The following KISS1R variants were observed in gnomAD, a reference collection of about 807,000 sequenced individuals.
The protein encoded by KISS1R is kiSS-1 receptor.
A neutral mutation model predicts 22.0 loss-of-function variants in KISS1R; 19 were observed. The observed-to-expected ratio is 0.86, with a 90% CI of 0.60 to 1.26. KISS1R has a LOEUF of 1.26. Ranked by LOEUF, KISS1R falls within the 50% of genes most tolerant of loss-of-function variation. The probability of loss-of-function intolerance (pLI) is 0.00; values close to 1 mark genes in which losing one functional copy is unlikely to be tolerated. For synonymous variants in KISS1R, 302 were observed against 283.9 expected (o/e 1.06, Z -0.64); for missense variants, 653 against 581.9 (o/e 1.12, Z -1.26).
chr19:919,730 A>C lies in KISS1R; in HGVS notation c.505+105A>C, dbSNP rs1345056370. On this transcript the variant is annotated intron_variant, in intron 3 of 4. Coordinates refer to ENST00000234371, the MANE Select transcript of KISS1R (RefSeq NM_032551.5). ...GGTCCAGCATCTGGAAAATGGGCGCAATAGCTCTGCCTGCCTAGGGCCAGC... is the reference window on the plus strand; with the variant it reads ...GGTCCAGCATCTGGAAAATGGGCGCCATAGCTCTGCCTGCCTAGGGCCAGC... The C allele has an allele frequency of 4.0e-6, 6 of 1,515,628 alleles. No homozygotes were observed. The East Asian group carries it at 1.2e-4, about 31-fold the overall frequency. 93.9% of individuals were successfully genotyped at this position (1,515,628 alleles called of 1,614,324 possible).
At position 917,436 on chromosome 19, in the gene KISS1R, G is replaced by C. The variant is rs1599369236; in HGVS notation, c.-67G>C. 1.5e-6 allele frequency: 2 copies of C among 1,376,694 alleles called. No individual in the cohort carries two copies. The highest frequency in any genetic ancestry group is 1.9e-6 in the Non-Finnish European group (2 of 1,073,210). 85.3% of individuals were successfully genotyped at this position (1,376,694 alleles called of 1,614,324 possible). On this transcript the variant is annotated 5_prime_UTR_variant, in exon 1 of 5. Transcript: ENST00000234371. ...CGCAGCCCCCGGGCGGTCGGGCGGA[G>C]GGGTCCCCGGGGCGGTGCCAGGGCG... is the stretch of plus-strand genomic sequence containing the variant.
chr19:920,457 C>CCT lies in KISS1R; in HGVS notation c.906_907insCT (p.Ala303LeufsTer17), dbSNP rs2037109406. 1.2e-6 allele frequency: 2 copies of CCT among 1,610,842 alleles called. No individual in the cohort carries two copies. Among genetic ancestry groups the CCT allele is most frequent in the Non-Finnish European group, 8.5e-7 (1 of 1,179,178 alleles). On this transcript the variant is annotated frameshift_variant, in exon 5 of 5. Coordinates refer to ENST00000234371, the MANE Select transcript of KISS1R (RefSeq NM_032551.5). LOFTEE classifies it low-confidence loss of function (END_TRUNC). ...GGCACCCACGCAGCTACGCCGCCTA[C>CCT]GCGCTTAAGACCTGGGCTCACTGCA...
chr19:919,845 C>T (rs1317356831), intron 3 of KISS1R, 29 bp from the exon 4 acceptor site: 1 of 1,531,432 alleles, frequency 6.5e-7, no homozygotes, highest in Non-Finnish European at 8.8e-7. Context: ...GTTCCCCGAG[C>T]GGGGTCTTCA....
chr19:917,396 C>A lies in KISS1R; in HGVS notation c.-107C>A. On this transcript the variant is annotated 5_prime_UTR_variant, in exon 1 of 5. Coordinates refer to ENST00000234371, the MANE Select transcript of KISS1R (RefSeq NM_032551.5). Reference sequence around the variant, plus strand: ...CCTGCGGACCCCAGCCGAGCCCCTTCCTGAGTTCCACAGGCGCAGCCCCCG... The same window carrying A: ...CCTGCGGACCCCAGCCGAGCCCCTTACTGAGTTCCACAGGCGCAGCCCCCG... 7.7e-7 allele frequency: 1 copy of A among 1,293,630 alleles called. No homozygotes were observed. Among genetic ancestry groups the A allele is most frequent in the Non-Finnish European group, 1.0e-6 (1 of 1,002,526 alleles). 80.1% of individuals were successfully genotyped at this position (1,293,630 alleles called of 1,614,324 possible). A position where few individuals can be genotyped will look rare whatever the true frequency, so the allele number is the denominator to read the frequency against.
Position 920,019 on chromosome 19 carries a change from G to A in KISS1R, c.651G>A (p.Leu217=), listed in dbSNP as rs1200564820. 2 of 1,543,688 alleles carry A rather than the reference G, an allele frequency of 1.3e-6. No individual in the cohort carries two copies. The highest frequency in any genetic ancestry group is 1.7e-6 in the Non-Finnish European group (2 of 1,147,568). Residue 217 remains leucine, a synonymous_variant, in exon 4 of 5, where the codon CTG becomes CTA. Coordinates refer to ENST00000234371, the MANE Select transcript of KISS1R (RefSeq NM_032551.5). ...YNLLALYLLP[L]LATCACYAAM... The stretch of plus-strand genomic sequence containing the variant: ...TGCTGGCGCTGTACCTGCTGCCGCT[G>A]CTCGCCACCTGCGCCTGCTATGCGG...
Position 919,933 on chromosome 19 carries a change from G to A in KISS1R, c.565G>A (p.Ala189Thr), listed in dbSNP as rs73507527. 6,235 of 1,564,126 alleles carry A rather than the reference G, an allele frequency of 4.0e-3. 151 individuals are homozygous for A. In the African/African-American group the frequency reaches 0.061, roughly 15 times the overall value. ...ALHRLSPGPR[A>T]YCSEAFPSRA... is the part of the protein sequence containing the mutation. ...GCACCGCCTGTCACCCGGGCCGCGCGCCTACTGCAGTGAGGCCTTCCCCAG... is the reference window on the plus strand; with the variant it reads ...GCACCGCCTGTCACCCGGGCCGCGCACCTACTGCAGTGAGGCCTTCCCCAG... The change falls in exon 4 of 5, where the codon GCC becomes ACC. Residue 189 changes from alanine to threonine, a missense_variant. Transcript: ENST00000234371.
intron 3 of KISS1R, 77 bp downstream of exon 3, chr19:919,702 C>T: frequency 1.3e-6 from 2 of 1,530,660 alleles, no homozygotes; most frequent in Non-Finnish European, 1.8e-6. Flanking sequence ...CACCTGCCGC[C>T]TCGGTCCAGC....
In KISS1R at chr19:919,832, C is replaced by G. The variant is rs751880212; in HGVS notation, c.506-42C>G. On this transcript the variant is annotated intron_variant, in intron 3 of 4. Transcript: ENST00000234371. The stretch of plus-strand genomic sequence containing the variant: ...TCCCGGGGAGGCACGTGGGGGACCG[C>G]TGGTTCCCCGAGCGGGGTCTTCATC... The G allele has an allele frequency of 4.6e-6, 7 of 1,523,294 alleles. No individual in the cohort carries two copies. The highest frequency in any genetic ancestry group is 6.2e-6 in the Non-Finnish European group (7 of 1,135,190). The allele number at this position is 1,523,294 out of a possible 1,614,324, so 94.4% of individuals were successfully genotyped here.
rs1300744737 is a variant in KISS1R, at chr19:918,813, A to AG, written c.369+152dup. 2.1e-3 allele frequency: 67 copies of AG among 31,666 alleles called. No individual in the cohort carries two copies. In the African/African-American group the frequency reaches 0.025, roughly 12 times the overall value. The allele number at this position is 31,666 out of a possible 1,614,324, so 2.0% of individuals were successfully genotyped here. On this transcript the variant is annotated intron_variant, in intron 2 of 4. Transcript: ENST00000234371. ...GAGGGGATCGTACGTGGGGACGGGG[A>AG]GGGGGGGTGCGCTGCGGAGCAGGAG...
In KISS1R at chr19:920,662, G is replaced by GC; in HGVS notation, c.1116dup (p.Ala373ArgfsTer70). 1 of 1,313,388 alleles carries GC rather than the reference G, an allele frequency of 7.6e-7. No individual in the cohort carries two copies. The allele number at this position is 1,313,388 out of a possible 1,614,324, so 81.4% of individuals were successfully genotyped here. A position where few individuals can be genotyped will look rare whatever the true frequency, so the allele number is the denominator to read the frequency against. ...GCTGCTCCGCCTGGGGTCCCACCCG[G>GC]CCCCCGCCAGGGCGCAGAAGCCAGG... On this transcript the variant is annotated frameshift_variant, in exon 5 of 5. Coordinates refer to ENST00000234371, the MANE Select transcript of KISS1R (RefSeq NM_032551.5). LOFTEE classifies it low-confidence loss of function (END_TRUNC).
chr19:920,290 G>A lies in KISS1R; in HGVS notation c.739G>A (p.Gly247Arg). Residue 247 changes from glycine (G) to arginine (R), a missense_variant and splice_region_variant, in exon 5 of 5, where the codon GGG becomes AGG. Physicochemically the swap from Gly to Arg is moderately radical, Grantham distance 125 (BLOSUM62 -2). Coordinates refer to ENST00000234371, the MANE Select transcript of KISS1R (RefSeq NM_032551.5). ...RPAPADSALQ[G>R]QVLAERAGAV... is the part of the protein sequence containing the mutation. ...AACCACCTTCACGGCACCCCCCCAG[G>A]GGCAGGTGCTGGCAGAGCGCGCAGG... 2 of 1,570,304 alleles carry A rather than the reference G, an allele frequency of 1.3e-6. No homozygotes were observed. Among genetic ancestry groups the A allele is most frequent in the African/African-American group, 1.4e-5 (1 of 73,642 alleles).
At chr19:919,811 G>C in intron 3 of KISS1R, 63 bp from the exon 4 acceptor site, 1 of 1,500,842 alleles carries the variant, frequency 6.7e-7, no homozygotes, top group African/African-American at 1.4e-5. Context: ...AACGCCTCCC[G>C]GGGAGGCACG....
At chr19:919,162 G>A (rs566659188) in intron 2 of KISS1R, among the ~76,000 whole-genome samples, 2 of 151,672 alleles carry the variant, frequency 1.3e-5, no homozygotes, top group African/African-American at 4.8e-5. Flanking sequence ...GAGGGATGCA[G>A]ACGGGGACCC....
Position 918,550 on chromosome 19 carries a change from TG to T in KISS1R, c.253del (p.Ala85ArgfsTer5). The T allele has an allele frequency of 6.5e-7, 1 of 1,549,854 alleles. No homozygotes were observed. ...RTVTNFYIANLAATDVTFLLC... is the reference protein window; with the variant it reads ...RTVTNFYIANXAATDVTFLLC... ...CCGCGCATCCCCACCGCAGCCAACC[TG>T]GCGGCCACGGACGTGACCTTCCTCC... On this transcript the variant is annotated frameshift_variant, in exon 2 of 5. Transcript: ENST00000234371. LOFTEE classifies it high-confidence loss of function.
At position 919,560 on chromosome 19, in the gene KISS1R, C is replaced by A. The variant is rs545635250; in HGVS notation, c.440C>A (p.Pro147Gln). Residue 147 changes from proline to glutamine, a missense_variant, in exon 3 of 5, where the codon CCG becomes CAG. Pro to Gln is a moderately conservative substitution (Grantham distance 76). Transcript: ENST00000234371. ...GACCGCTGGTACGTGACGGTGTTCC[C>A]GTTGCGCGCCCTGCACCGCCGCACG... ...SVDRWYVTVF[P>Q]LRALHRRTPR... is the part of the protein sequence containing the mutation. 4 of 1,559,168 alleles carry A rather than the reference C, an allele frequency of 2.6e-6. No individual in the cohort carries two copies. The highest frequency in any genetic ancestry group is 4.7e-5 in the East Asian group (2 of 42,260).
At chr19:918,497 C>A in intron 1 of KISS1R, 47 bp from the exon 2 acceptor site, 2 of 1,534,836 alleles carry the variant, frequency 1.3e-6, no homozygotes, top group Non-Finnish European at 1.7e-6. Flanking sequence ...GGGCGGTTCC[C>A]GCGGCCAGTG....
Position 920,066 on chromosome 19 carries a change from G to T in KISS1R, c.698G>T (p.Arg233Leu). 3 of 1,525,890 alleles carry T rather than the reference G, an allele frequency of 2.0e-6. No homozygotes were observed. The highest frequency in any genetic ancestry group is 2.6e-6 in the Non-Finnish European group (3 of 1,142,320). The allele number at this position is 1,525,890 out of a possible 1,614,324, so 94.5% of individuals were successfully genotyped here. Reference sequence around the variant, plus strand: ...GCGGCCATGCTGCGCCACCTGGGCCGGGTCGCCGTGCGCCCCGCGCCCGCC... The same window carrying T: ...GCGGCCATGCTGCGCCACCTGGGCCTGGTCGCCGTGCGCCCCGCGCCCGCC... ...CYAAMLRHLG[R>L]VAVRPAPADS... Residue 233 changes from arginine to leucine, a missense_variant, in exon 4 of 5, where the codon CGG (arginine) becomes CTG (leucine). By Grantham distance (102) the Arg-to-Leu change is moderately radical (BLOSUM62 -2). Coordinates refer to ENST00000234371, the MANE Select transcript of KISS1R (RefSeq NM_032551.5).
Position 917,757 on chromosome 19 carries a change from G to C in KISS1R, c.244+11G>C. On this transcript the variant is annotated intron_variant, in intron 1 of 4. Coordinates refer to ENST00000234371, the MANE Select transcript of KISS1R (RefSeq NM_032551.5). Reference sequence around the variant, plus strand: ...CCAACTTCTACATCGGTGAGTGCGGGCGCTGCGCCGCACCTGCTGCCGTCC... The same window carrying C: ...CCAACTTCTACATCGGTGAGTGCGGCCGCTGCGCCGCACCTGCTGCCGTCC... 5 of 1,592,820 alleles carry C rather than the reference G, an allele frequency of 3.1e-6. No homozygotes were observed. The South Asian group carries it at 5.6e-5, about 18-fold the overall frequency.
At chr19:919,735 C>T (rs548219058) in intron 3 of KISS1R, 110 bp downstream of exon 3, 1 of 1,509,544 alleles carries the variant, frequency 6.6e-7, no homozygotes, top group Non-Finnish European at 8.9e-7. Flanking sequence ...GGCGCAATAG[C>T]TCTGCCTGCC....
Sources: allele counts gnomAD v4.1 joint callset (sites outside exome capture counted in the v4.1 genomes callset), GRCh38; gene constraint gnomAD v4.1.1; transcripts MANE v1.5; gene names NCBI Gene and HGNC (gene_info 2026-07-23, HGNC 2026-07-21).